KRAS: variants seen among roughly 807,000 people sequenced by gnomAD.
KRAS encodes the protein KRas proto-oncogene, GTPase.
KRAS carries 1 observed loss-of-function variant against 21.0 expected under a neutral mutation model. The observed-to-expected ratio is 0.05, with a 90% CI of 0.02 to 0.23. KRAS has a LOEUF of 0.23. KRAS is among the 10% of genes least tolerant of loss of function. The probability of loss-of-function intolerance (pLI) is 1.00; values close to 1 mark genes in which losing one functional copy is unlikely to be tolerated. For missense variants in KRAS, 107 were observed against 221.8 expected (o/e 0.48, Z 3.29); for synonymous variants, 67 against 72.5 (o/e 0.92, Z 0.39).
At chr12:25,223,645 T>C (rs1951354698) in intron 4 of KRAS, among the ~76,000 whole-genome samples, 1 of 152,192 alleles carries the variant, frequency 6.6e-6, no homozygotes, top group African/African-American at 2.4e-5. Context: ...TATATCAAAT[T>C]TGTATAACTA....
At chr12:25,213,726 T>C (rs7980834) in intron 4 of KRAS, among the ~76,000 whole-genome samples, 29,719 of 152,206 alleles carry the variant, frequency 0.2, 2,987 homozygotes, top group Middle Eastern at 0.24. Context: ...TAGTAGTTTT[T>C]GAAAACTGTA....
At chr12:25,246,572 A>C (rs1355725331) in intron 1 of KRAS, among the ~76,000 whole-genome samples, 1 of 151,540 alleles carries the variant, frequency 6.6e-6, no homozygotes, top group African/African-American at 2.4e-5. Context: ...CAAACAAACA[A>C]ACAAAAAGAT....
At chr12:25,236,297 T>C (rs577313844) in intron 2 of KRAS, among the ~76,000 whole-genome samples, 5 of 152,260 alleles carry the variant, frequency 3.3e-5, no homozygotes, top group South Asian at 2.1e-4. Flanking sequence ...TGACAAATTA[T>C]AGAAAGGGAC....
chr12:25,224,888 C>T (rs191691421), intron 4 of KRAS, among the ~76,000 whole-genome samples: 20 of 152,200 alleles, frequency 1.3e-4, no homozygotes, highest in African/African-American at 4.1e-4. Flanking sequence ...AGACATATGA[C>T]TACATATAAC....
At chr12:25,240,180 A>T (rs779007389) in intron 2 of KRAS, among the ~76,000 whole-genome samples, 18 of 152,196 alleles carry the variant, frequency 1.2e-4, no homozygotes, top group Non-Finnish European at 2.5e-4. Context: ...TTCTATATTA[A>T]GATCCCAATA....
intron 2 of KRAS, chr12:25,234,532 A>ATCT: frequency 1.1e-5 from 2 of 184,766 alleles, no homozygotes; most frequent in African/African-American, 4.7e-5. Flanking sequence ...AATTTCTTTG[A>ATCT]GGAGTAATAA....
rs1382696398 is a variant in KRAS at position 25,205,516 on chromosome 12, T to A, written c.*4279A>T. On this transcript the variant is annotated 3_prime_UTR_variant, in exon 5 of 5. Transcript: ENST00000311936. ...AATGTGCATGTTTCAGTTTACACTA[T>A]ACAAAAATAGTTAAAATACATTCCA... is the stretch of plus-strand genomic sequence containing the variant. The A allele has an allele frequency of 4.6e-6, 1 of 215,612 alleles. No individual in the cohort carries two copies. The highest frequency in any genetic ancestry group is 9.4e-6 in the Non-Finnish European group (1 of 106,758). 13.4% of individuals were successfully genotyped at this position (215,612 alleles called of 1,614,324 possible).
rs1015320498 is a variant in KRAS, at chr12:25,209,460, A to T, written c.*335T>A. 2.5e-6 allele frequency: 3 copies of T among 1,192,408 alleles called. No individual in the cohort carries two copies. The highest frequency in any genetic ancestry group is 5.3e-5 in the South Asian group (2 of 37,744). 73.9% of individuals were successfully genotyped at this position (1,192,408 alleles called of 1,614,324 possible). ...AGAATAGGGATGATTCAAAAGCTTC[A>T]TTAATTTGTTTCACACCAACATTCA... On this transcript the variant is annotated 3_prime_UTR_variant, in exon 5 of 5. Coordinates refer to ENST00000311936, the MANE Select transcript of KRAS (RefSeq NM_004985.5).
At chr12:25,249,241 C>CA (rs1352665252) in intron 1 of KRAS, among the ~76,000 whole-genome samples, 1 of 152,022 alleles carries the variant, frequency 6.6e-6, no homozygotes, top group Non-Finnish European at 1.5e-5. Context: ...ACTAAAAATA[C>CA]AAAAAATTAG....
At chr12:25,238,537 T>C (rs1951571499) in intron 2 of KRAS, among the ~76,000 whole-genome samples, 1 of 152,222 alleles carries the variant, frequency 6.6e-6, no homozygotes, top group African/African-American at 2.4e-5. Flanking sequence ...TCTGAAACTT[T>C]AGTGCCCTTT....
At chr12:25,222,760 C>T (rs1323020752) in intron 4 of KRAS, among the ~76,000 whole-genome samples, 1 of 152,120 alleles carries the variant, frequency 6.6e-6, no homozygotes, top group African/African-American at 2.4e-5. Flanking sequence ...AGATAGTTTT[C>T]TGATCAAATA....
At chr12:25,234,793 C>T (rs556473910) in intron 2 of KRAS, 1 of 201,370 alleles carries the variant, frequency 5.0e-6, no homozygotes, top group East Asian at 7.7e-5. Flanking sequence ...AGTGTGTTCA[C>T]CTTTTAACAT....
Position 25,229,144 on chromosome 12 carries a change from A to C in KRAS, c.112-1732T>G, listed in dbSNP as rs572680606. 3.9e-4 allele frequency among the ~76,000 whole-genome samples: 59 copies of C among 152,338 alleles called. 1 individual carries two copies. Among genetic ancestry groups the C allele is most frequent in the African/African-American group, 1.3e-3 (54 of 41,582 alleles). On this transcript the variant is annotated intron_variant, in intron 2 of 4. Coordinates refer to ENST00000311936, the MANE Select transcript of KRAS (RefSeq NM_004985.5). ...TTTTACCACAAAAAAAAATTTTTTA[A>C]AGGTATTATATGGAGAGTCAACAAT...
chr12:25,248,072 G>A (rs558196357), intron 1 of KRAS, among the ~76,000 whole-genome samples: 66 of 151,474 alleles, frequency 4.4e-4, no homozygotes, highest in Admixed American at 1.3e-4. Flanking sequence ...TGTTGAGTAC[G>A]CTGGTCTCCA....
intron 2 of KRAS, among the ~76,000 whole-genome samples, chr12:25,241,638 T>A (rs1277097248): frequency 1.3e-5 from 2 of 152,166 alleles, no homozygotes; most frequent in African/African-American, 4.8e-5. Context: ...CTTAACACCA[T>A]TGAGGTTTGG....
intron 2 of KRAS, among the ~76,000 whole-genome samples, chr12:25,237,422 C>T (rs1006384814): frequency 2.0e-5 from 3 of 152,094 alleles, no homozygotes; most frequent in Non-Finnish European, 2.9e-5. Flanking sequence ...AGCTTACCGA[C>T]AGGGGATGAG....
At chr12:25,246,731 C>G (rs570650374) in intron 1 of KRAS, among the ~76,000 whole-genome samples, 1 of 151,480 alleles carries the variant, frequency 6.6e-6, no homozygotes, top group Non-Finnish European at 1.5e-5. Flanking sequence ...CCTGGCTAAC[C>G]CGGTGAAACC....
In KRAS at chr12:25,209,425, G is replaced by A. The variant is rs886049196; in HGVS notation, c.*370C>T. 1 of 1,009,098 alleles carries A rather than the reference G, an allele frequency of 9.9e-7. No individual in the cohort carries two copies. The highest frequency in any genetic ancestry group is 1.7e-5 in the African/African-American group (1 of 60,352). The allele number at this position is 1,009,098 out of a possible 1,614,324, so 62.5% of individuals were successfully genotyped here. ...AGTAATTAATCCATTTATGTGACTA[G>A]ATAAAACACAGAATAGGGATGATTC... is the stretch of plus-strand genomic sequence containing the variant. On this transcript the variant is annotated 3_prime_UTR_variant, in exon 5 of 5. Transcript: ENST00000311936.
intron 2 of KRAS, among the ~76,000 whole-genome samples, chr12:25,232,332 T>G (rs1302121516): frequency 6.6e-6 from 1 of 152,198 alleles, no homozygotes; most frequent in African/African-American, 2.4e-5. Flanking sequence ...CCCAAGACTT[T>G]GTGACAAAGA....
Sources: allele counts gnomAD v4.1 joint callset (sites outside exome capture counted in the v4.1 genomes callset), GRCh38; gene constraint gnomAD v4.1.1; transcripts MANE v1.5; gene names NCBI Gene and HGNC (gene_info 2026-07-23, HGNC 2026-07-21).